CD2AP: variants seen among roughly 807,000 people sequenced by gnomAD.
CD2AP encodes CD2 associated protein.
A neutral mutation model predicts 85.1 loss-of-function variants in CD2AP; 46 were observed. The observed-to-expected ratio is 0.54, with a 90% confidence interval of 0.43 to 0.69. The LOEUF is 0.69. CD2AP is among the 30% of genes least tolerant of loss of function. CD2AP has a pLI of 0.00. For synonymous variants in CD2AP, 255 were observed against 252.9 expected (o/e 1.01, Z -0.08); for missense variants, 769 against 729.5 (o/e 1.05, Z -0.62).
chr6:47,572,685 A>G (rs1055289263), intron 5 of CD2AP, among the ~76,000 whole-genome samples: 2 of 152,220 alleles, frequency 1.3e-5, no homozygotes, highest in African/African-American at 4.8e-5. Context: ...ATTCACTTCA[A>G]AAATTGACTT....
chr6:47,608,019 C>T lies in CD2AP; in HGVS notation c.1623C>T (p.Tyr541=). ...KPSELKKDTC[Y]SPKPSVYLST... ...CTGAATTAAAAAAAGATACATGCTA[C>T]TCTCCAAAGGTGAGGTGCATTGTGG... is the stretch of plus-strand genomic sequence containing the variant. Residue 541 remains tyrosine, a synonymous_variant, in exon 15 of 18, where the codon TAC becomes TAT. Transcript: ENST00000359314. 1.9e-6 allele frequency: 3 copies of T among 1,609,352 alleles called. No individual in the cohort carries two copies. The highest frequency in any genetic ancestry group is 2.6e-6 in the Non-Finnish European group (3 of 1,176,052).
At chr6:47,522,296 G>A (rs908811449) in intron 2 of CD2AP, among the ~76,000 whole-genome samples, 7 of 152,186 alleles carry the variant, frequency 4.6e-5, no homozygotes, top group African/African-American at 1.4e-4. Flanking sequence ...TTTATTCGCT[G>A]TACTTAAAAG....
chr6:47,607,951 T>G lies in CD2AP; in HGVS notation c.1555T>G (p.Leu519Val). The change falls in exon 15 of 18, where the codon TTG becomes GTG. Residue 519 changes from leucine to valine, a missense_variant. By Grantham distance (32) the Leu-to-Val change is conservative. Coordinates refer to ENST00000359314, the MANE Select transcript of CD2AP (RefSeq NM_012120.3). ...GCCAACTCACAGCCCCGAAAAAATCTTGAAGTTACCAAAAGAAGAAGACAG... is the reference window on the plus strand; with the variant it reads ...GCCAACTCACAGCCCCGAAAAAATCGTGAAGTTACCAAAAGAAGAAGACAG... ...HSPTHSPEKI[L>V]KLPKEEDSAN... 1 of 1,612,698 alleles carries G rather than the reference T, an allele frequency of 6.2e-7. No individual in the cohort carries two copies. Among genetic ancestry groups the G allele is most frequent in the African/African-American group, 1.3e-5 (1 of 74,974 alleles).
rs33960149 is a variant in CD2AP, at chr6:47,527,111, C to CCCG, written c.166-6490_166-6488dup. 3.4e-3 allele frequency among the ~76,000 whole-genome samples: 492 copies of CCCG among 142,884 alleles called. 2 individuals carry two copies. Among genetic ancestry groups the CCCG allele is most frequent in the African/African-American group, 0.012 (472 of 38,396 alleles). The allele number at this position is 142,884 out of a possible 152,430, so 93.7% of individuals were successfully genotyped here. A position where few individuals can be genotyped will look rare whatever the true frequency, so the allele number is the denominator to read the frequency against. On this transcript the variant is annotated intron_variant, in intron 2 of 17. Coordinates refer to ENST00000359314, the MANE Select transcript of CD2AP (RefSeq NM_012120.3). Reference sequence around the variant, plus strand: ...GTTTTTCCAAAATAAAAGACTCCCCCCCGATTGAAAAATATTCATTGTTCT... The same window carrying CCCG: ...GTTTTTCCAAAATAAAAGACTCCCCCCCGCCGATTGAAAAATATTCATTGTTCT...
At chr6:47,571,835 C>A (rs1768162478) in intron 5 of CD2AP, among the ~76,000 whole-genome samples, 1 of 152,014 alleles carries the variant, frequency 6.6e-6, no homozygotes, top group South Asian at 2.1e-4. Flanking sequence ...GCTAAATTAG[C>A]CTTAGAATGG....
intron 6 of CD2AP, 84 bp downstream of exon 6, chr6:47,574,335 T>C (rs1008938735): frequency 1.4e-4 from 176 of 1,294,354 alleles, no homozygotes; most frequent in Admixed American, 2.3e-4. Flanking sequence ...TTTGTAACTC[T>C]GTTAGATTTC....
chr6:47,592,617 G>A (rs1445265713), intron 11 of CD2AP, among the ~76,000 whole-genome samples: 6 of 152,216 alleles, frequency 3.9e-5, no homozygotes. Context: ...TATTAATGAG[G>A]AGGCTTTTGT....
intron 1 of CD2AP, among the ~76,000 whole-genome samples, chr6:47,487,260 A>G (rs1019401723): frequency 6.6e-6 from 1 of 152,198 alleles, no homozygotes; most frequent in Non-Finnish European, 1.5e-5. Context: ...ATGCGTGTCA[A>G]ATGGAAATAA....
intron 1 of CD2AP, among the ~76,000 whole-genome samples, chr6:47,484,499 A>T (rs9369698): frequency 0.31 from 47,733 of 152,036 alleles, 8,651 homozygotes; most frequent in Middle Eastern, 0.52. Context: ...AGGTGCTTTT[A>T]TCCTAGAATA....
intron 5 of CD2AP, among the ~76,000 whole-genome samples, chr6:47,557,059 A>G (rs1186770963): frequency 6.6e-6 from 1 of 151,520 alleles, no homozygotes; most frequent in Non-Finnish European, 1.5e-5. Context: ...TTTGATTTGC[A>G]TTTCTCTGAT....
chr6:47,521,910 G>A (rs1240514862), intron 2 of CD2AP, among the ~76,000 whole-genome samples: 1 of 152,062 alleles, frequency 6.6e-6, no homozygotes, highest in Non-Finnish European at 1.5e-5. Context: ...AGCTACTTGG[G>A]AGGCTGAGGC....
intron 11 of CD2AP, among the ~76,000 whole-genome samples, chr6:47,586,342 A>T (rs113475396): frequency 1.9e-3 from 295 of 152,344 alleles, no homozygotes; most frequent in African/African-American, 6.9e-3. Context: ...ACTTGAAGAC[A>T]TAGCAAATAG....
chr6:47,574,064 A>C lies in CD2AP; in HGVS notation c.542A>C (p.Glu181Ala). The C allele has an allele frequency of 6.2e-7, 1 of 1,613,856 alleles. No homozygotes were observed. ...CTTCAAAAACAAATTATTGTTTCAG[A>C]AACTGTTTTGGCTGGGCCTACTTCA... ...GETHEAQDDS[E>A]TVLAGPTSPI... The change falls in exon 6 of 18, where the codon GAA becomes GCA. Residue 181 changes from glutamate (E) to alanine (A), a missense_variant and splice_region_variant. Coordinates refer to ENST00000359314, the MANE Select transcript of CD2AP (RefSeq NM_012120.3).
At chr6:47,621,403 ATGG>A (rs1284738268) in intron 17 of CD2AP, among the ~76,000 whole-genome samples, 1 of 152,158 alleles carries the variant, frequency 6.6e-6, no homozygotes, top group African/African-American at 2.4e-5. Context: ...CCACTTGATC[ATGG>A]TGGATTATCT....
intron 3 of CD2AP, among the ~76,000 whole-genome samples, chr6:47,540,434 G>A (rs182445277): frequency 6.8e-4 from 103 of 152,080 alleles, no homozygotes; most frequent in African/African-American, 2.4e-3. Flanking sequence ...ATTTATGAGT[G>A]AACCCTATTT....
In CD2AP at chr6:47,511,871, CA is replaced by C. The variant is rs576582275; in HGVS notation, c.165+8437del. 3.1e-3 allele frequency among the ~76,000 whole-genome samples: 331 copies of C among 105,662 alleles called. 1 individual carries two copies. The highest frequency in any genetic ancestry group is 5.5e-3 in the Non-Finnish European group (244 of 44,192). 69.3% of individuals were successfully genotyped at this position (105,662 alleles called of 152,430 possible). A position where few individuals can be genotyped will look rare whatever the true frequency, so the allele number is the denominator to read the frequency against. Reference sequence around the variant, plus strand: ...GTGAAACCTCAACTCTACTAAAATACAAAAAATTGGCCGGGGGTGGCTCACA... The same window carrying C: ...GTGAAACCTCAACTCTACTAAAATACAAAAATTGGCCGGGGGTGGCTCACA... On this transcript the variant is annotated intron_variant, in intron 2 of 17. Transcript: ENST00000359314.
chr6:47,619,123 CATGAGTAAGTTCTTTAGTGGTG>C (rs1178927613), intron 17 of CD2AP, among the ~76,000 whole-genome samples: 1 of 152,182 alleles, frequency 6.6e-6, no homozygotes, highest in Non-Finnish European at 1.5e-5. Flanking sequence ...TATTTGGTTA[CATGAGTAAGTTCTTTAGTGGTG>C]ATTTGTGAGA....
At chr6:47,611,065 G>T (rs2114152382) in intron 16 of CD2AP, among the ~76,000 whole-genome samples, 1 of 145,478 alleles carries the variant, frequency 6.9e-6, no homozygotes, top group South Asian at 2.1e-4. Context: ...AAACTGAATG[G>T]CAGGTTTTTT....
intron 4 of CD2AP, among the ~76,000 whole-genome samples, chr6:47,548,527 A>G (rs906801503): frequency 1.3e-5 from 2 of 152,138 alleles, no homozygotes; most frequent in Admixed American, 1.3e-4. Context: ...GCTGAACAGA[A>G]CAATAACAGG....
Sources: gnomAD v4.1 joint callset for allele counts (sites outside exome capture counted in the v4.1 genomes callset) on GRCh38, gnomAD v4.1.1 for gene constraint, MANE v1.5 for transcripts, NCBI Gene and HGNC (gene_info 2026-07-23, HGNC 2026-07-21) for gene names.